C5orf22: variants seen among roughly 807,000 people sequenced by gnomAD.
C5orf22 encodes the protein UPF0489 protein C5orf22.
C5orf22 carries 36 observed loss-of-function variants against 48.7 expected under a neutral mutation model. The ratio of observed to expected loss-of-function variants is 0.74; its 90% CI spans 0.57 to 0.98. The LOEUF is 0.98. C5orf22 is among the 50% of genes least tolerant of loss of function. The pLI is 0.00. For synonymous variants in C5orf22, 141 were observed against 180.8 expected (o/e 0.78, Z 1.76); for missense variants, 486 against 521.9 (o/e 0.93, Z 0.67).
chr5:31,534,017 C>G (rs1741916385), intron 1 of C5orf22, among the ~76,000 whole-genome samples: 1 of 152,144 alleles, frequency 6.6e-6, no homozygotes, highest in African/African-American at 2.4e-5. Flanking sequence ...GTCTGTTTCC[C>G]CACATGACCT....
At chr5:31,549,228 T>A (rs1412551144) in intron 7 of C5orf22, among the ~76,000 whole-genome samples, 1 of 151,704 alleles carries the variant, frequency 6.6e-6, no homozygotes, top group Non-Finnish European at 1.5e-5. Context: ...TCAAAAAAAG[T>A]AAATAAATAA....
At chr5:31,539,972 G>A (rs1304860276) in intron 4 of C5orf22, among the ~76,000 whole-genome samples, 1 of 151,998 alleles carries the variant, frequency 6.6e-6, no homozygotes, top group Admixed American at 6.6e-5. Context: ...GATCACTTGA[G>A]CCTGGGAGGT....
chr5:31,553,027 T>G lies in C5orf22; in HGVS notation c.*125T>G. 1 of 926,536 alleles carries G rather than the reference T, an allele frequency of 1.1e-6. No homozygotes were observed. 57.4% of individuals were successfully genotyped at this position (926,536 alleles called of 1,614,324 possible). A position where few individuals can be genotyped will look rare whatever the true frequency, so the allele number is the denominator to read the frequency against. On this transcript the variant is annotated 3_prime_UTR_variant, in exon 9 of 9. Transcript: ENST00000325366. ...TAACTTTCAGTTGAAATCTTTCAGA[T>G]ATTTTGAATCTCTGAACAACCATTG...
chr5:31,537,397 TA>T (rs1339306162), intron 3 of C5orf22, among the ~76,000 whole-genome samples: 1 of 152,222 alleles, frequency 6.6e-6, no homozygotes, highest in African/African-American at 2.4e-5. Flanking sequence ...GGTTGGGGGA[TA>T]CAGCTTCATC....
intron 3 of C5orf22, among the ~76,000 whole-genome samples, chr5:31,536,528 CAAAACAA>C (rs965146208): frequency 6.6e-6 from 1 of 151,674 alleles, no homozygotes; most frequent in Non-Finnish European, 1.5e-5. Context: ...GTCTCAAAAA[CAAAACAA>C]AAAACAAACA....
In C5orf22 at chr5:31,535,729, A is replaced by G. The variant is rs765195777; in HGVS notation, c.228-15A>G. ...AAATAAAAGTTTTAATGTTGTCTCT[A>G]TGTTTCTTTTCCAGAGAATTAAGTA... On this transcript the variant is annotated splice_polypyrimidine_tract_variant and intron_variant, in intron 2 of 8. Coordinates refer to ENST00000325366, the MANE Select transcript of C5orf22 (RefSeq NM_018356.3). 2 of 1,568,990 alleles carry G rather than the reference A, an allele frequency of 1.3e-6. No homozygotes were observed.
chr5:31,541,875 G>C (rs971744010), intron 6 of C5orf22, among the ~76,000 whole-genome samples: 2 of 152,026 alleles, frequency 1.3e-5, no homozygotes, highest in Non-Finnish European at 2.9e-5. Context: ...ATTTTTCCTT[G>C]CCTTATCTCA....
Position 31,534,343 on chromosome 5 carries a change from C to T in C5orf22, c.153C>T (p.Phe51=), listed in dbSNP as rs1741946814. ...LPASNVSFLH[F]DSHPDLLIPV... is the part of the protein sequence containing the mutation. ...CCAGTAATGTAAGTTTTTTACATTT[C>T]GACTCACATCCAGACCTCCTTATTC... is the stretch of plus-strand genomic sequence containing the variant. Residue 51 remains phenylalanine, a synonymous_variant, in exon 2 of 9, where the codon TTC becomes TTT. Coordinates refer to ENST00000325366, the MANE Select transcript of C5orf22 (RefSeq NM_018356.3). 1.9e-6 allele frequency: 3 copies of T among 1,613,504 alleles called. No homozygotes were observed. Among genetic ancestry groups the T allele is most frequent in the African/African-American group, 1.3e-5 (1 of 74,902 alleles).
At chr5:31,534,454 A>T in intron 2 of C5orf22, 37 bp downstream of exon 2, 1 of 1,567,394 alleles carries the variant, frequency 6.4e-7, no homozygotes, top group South Asian at 1.2e-5. Context: ...TTTGTGTTTG[A>T]AGTACAATTT....
At chr5:31,544,717 C>T (rs1217730003) in intron 6 of C5orf22, among the ~76,000 whole-genome samples, 1 of 152,174 alleles carries the variant, frequency 6.6e-6, no homozygotes, top group Non-Finnish European at 1.5e-5. Context: ...GGAAGGCTTA[C>T]TTGAGGCCAA....
chr5:31,532,985 C>G (rs1021431802), intron 1 of C5orf22, among the ~76,000 whole-genome samples: 1 of 151,948 alleles, frequency 6.6e-6, no homozygotes, highest in Non-Finnish European at 1.5e-5. Context: ...GACGGAGTCT[C>G]TCTCTGTTAC....
chr5:31,535,156 T>C (rs1043853434), intron 2 of C5orf22: 1 of 361,568 alleles, frequency 2.8e-6, no homozygotes, highest in Non-Finnish European at 5.4e-6. Flanking sequence ...TTATTAAAGC[T>C]TATTTGAAAT....
At position 31,535,740 on chromosome 5, in the gene C5orf22, C is replaced by G; in HGVS notation, c.228-4C>G. 6.3e-7 allele frequency: 1 copy of G among 1,576,942 alleles called. No homozygotes were observed. Among genetic ancestry groups the G allele is most frequent in the Non-Finnish European group, 8.6e-7 (1 of 1,166,384 alleles). On this transcript the variant is annotated splice_polypyrimidine_tract_variant and splice_region_variant and intron_variant, in intron 2 of 8. Transcript: ENST00000325366. Reference sequence around the variant, plus strand: ...TTAATGTTGTCTCTATGTTTCTTTTCCAGAGAATTAAGTATTGAAAATTGG... The same window carrying G: ...TTAATGTTGTCTCTATGTTTCTTTTGCAGAGAATTAAGTATTGAAAATTGG...
rs1411169715 is a variant in C5orf22 at position 31,551,306 on chromosome 5, G to T, written c.1073G>T (p.Gly358Val). ...TCTTATTTTCAGGTTCACCAGGCTG[G>T]TTTAACCTGCGATTATTCAGAACTT... Reference protein sequence around the residue: ...VPDYEMVHQAGLTCDYSELPH... With the variant: ...VPDYEMVHQAVLTCDYSELPH... The change falls in exon 8 of 9, where the codon GGT becomes GTT. Residue 358 changes from glycine (G) to valine (V), a missense_variant. Transcript: ENST00000325366. 1.9e-6 allele frequency: 3 copies of T among 1,613,450 alleles called. No homozygotes were observed. Among genetic ancestry groups the T allele is most frequent in the Non-Finnish European group, 2.5e-6 (3 of 1,179,798 alleles).
intron 4 of C5orf22, chr5:31,540,722 G>A: frequency 2.2e-6 from 1 of 445,152 alleles, no homozygotes; most frequent in African/African-American, 2.0e-5. Context: ...GAGTTGCCTT[G>A]AAGAAGTGAT....
At chr5:31,550,160 T>C (rs1033369394) in intron 7 of C5orf22, among the ~76,000 whole-genome samples, 2 of 152,232 alleles carry the variant, frequency 1.3e-5, no homozygotes. Flanking sequence ...GTTAAATTGT[T>C]GATGTGTATC....
At chr5:31,545,916 T>C (rs1055968891) in intron 7 of C5orf22, among the ~76,000 whole-genome samples, 25 of 152,158 alleles carry the variant, frequency 1.6e-4, no homozygotes, top group African/African-American at 4.3e-4. Flanking sequence ...CAGGAAAAAC[T>C]TTTTTTTCTC....
intron 1 of C5orf22, 30 bp downstream of exon 1, chr5:31,532,503 A>G (rs538090528): frequency 1.3e-6 from 2 of 1,591,972 alleles, no homozygotes; most frequent in African/African-American, 1.3e-5. Flanking sequence ...GCTCTGGGGC[A>G]GAATCAGCGG....
Position 31,532,468 on chromosome 5 carries a change from C to G in C5orf22, c.76C>G (p.Gln26Glu). 1 of 1,613,318 alleles carries G rather than the reference C, an allele frequency of 6.2e-7. No homozygotes were observed. The highest frequency in any genetic ancestry group is 1.1e-5 in the South Asian group (1 of 91,040). The change falls in exon 1 of 9, where the codon CAG becomes GAG. Residue 26 changes from glutamine (Q) to glutamate (E), a missense_variant. Around this residue, in one of 3 missense-constraint regions of C5orf22, gnomAD observed 74 missense variants for 61.2 expected, o/e 1.21. Transcript: ENST00000325366. ...KLPVWVVEDH[Q>E]EVLPFIYRAI... ...CCCAGTGTGGGTGGTGGAGGATCAT[C>G]AGGAGGTGAGCGGACGGCAACAGGG...
Sources: allele counts gnomAD v4.1 joint callset (sites outside exome capture counted in the v4.1 genomes callset), GRCh38; gene constraint gnomAD v4.1.1; regional missense constraint gnomAD v4.1.1; transcripts MANE v1.5; gene names NCBI Gene and HGNC (gene_info 2026-07-23, HGNC 2026-07-21).